The following GALNT3 variants were observed in gnomAD, a reference collection of about 807,000 sequenced individuals.
GALNT3 encodes the protein polypeptide N-acetylgalactosaminyltransferase 3.
GALNT3 carries 51 observed loss-of-function variants against 69.8 expected under a neutral mutation model. The observed-to-expected ratio is 0.73, with a 90% CI of 0.58 to 0.92. The LOEUF (loss-of-function observed/expected upper bound fraction) is 0.92. Ranked by LOEUF, GALNT3 falls within the 40% of genes least tolerant of loss-of-function variation. GALNT3 has a pLI of 0.00. For missense variants in GALNT3, 711 were observed against 760.0 expected (o/e 0.94, Z 0.76); for synonymous variants, 265 against 248.5 (o/e 1.07, Z -0.63).
At chr2:165,789,046 T>G (rs1260901860) in intron 1 of GALNT3, among the ~76,000 whole-genome samples, 2 of 152,156 alleles carry the variant, frequency 1.3e-5, no homozygotes, top group African/African-American at 4.8e-5. Flanking sequence ...ACTAGATCAG[T>G]AGAAGTGAAA....
At chr2:165,772,584 C>CAAA (rs375725339) in intron 1 of GALNT3, among the ~76,000 whole-genome samples, 7,654 of 65,916 alleles carry the variant, frequency 0.12, 930 homozygotes, top group East Asian at 0.29. Context: ...GACTCTGTCT[C>CAAA]AAAAAAAAAA....
intron 1 of GALNT3, among the ~76,000 whole-genome samples, chr2:165,793,463 C>A (rs1683394906): frequency 1.3e-5 from 2 of 152,226 alleles, no homozygotes; most frequent in Admixed American, 1.3e-4. Flanking sequence ...GGCCACAGAG[C>A]CCTTTCCAAA....
chr2:165,782,945 T>C (rs1683143405), intron 1 of GALNT3, among the ~76,000 whole-genome samples: 1 of 152,196 alleles, frequency 6.6e-6, no homozygotes, highest in Non-Finnish European at 1.5e-5. Flanking sequence ...ACTGCTTACG[T>C]ATTTCATTCA....
At chr2:165,768,303 A>G (rs1688683917) in intron 2 of GALNT3, among the ~76,000 whole-genome samples, 2 of 152,170 alleles carry the variant, frequency 1.3e-5, no homozygotes, top group Admixed American at 1.3e-4. Context: ...CAGCTTCTTA[A>G]TGCTATATTG....
chr2:165,762,872 C>T (rs1268860771), intron 3 of GALNT3, among the ~76,000 whole-genome samples: 1 of 152,126 alleles, frequency 6.6e-6, no homozygotes, highest in Non-Finnish European at 1.5e-5. Flanking sequence ...TCACTGCAAC[C>T]TCCGCCTCTG....
chr2:165,777,314 C>T (rs921582479), intron 1 of GALNT3, among the ~76,000 whole-genome samples: 31 of 152,238 alleles, frequency 2.0e-4, no homozygotes, highest in East Asian at 1.5e-3. Flanking sequence ...TCCCAATATC[C>T]TAATATAGAT....
At chr2:165,772,733 G>A (rs1379756344) in intron 1 of GALNT3, among the ~76,000 whole-genome samples, 1 of 151,978 alleles carries the variant, frequency 6.6e-6, no homozygotes, top group Non-Finnish European at 1.5e-5. Context: ...AATAGGGAAT[G>A]TCAGATGCAA....
At chr2:165,776,907 T>A (rs1682965829) in intron 1 of GALNT3, among the ~76,000 whole-genome samples, 1 of 152,182 alleles carries the variant, frequency 6.6e-6, no homozygotes, top group East Asian at 1.9e-4. Flanking sequence ...CACCTGGGGA[T>A]CTTGTTTAAA....
chr2:165,756,958 A>G (rs1408863940), intron 7 of GALNT3, 89 bp downstream of exon 7: 2 of 989,556 alleles, frequency 2.0e-6, no homozygotes, highest in African/African-American at 3.2e-5. Flanking sequence ...AAATTTTTTG[A>G]TGTTTTGTAC....
intron 7 of GALNT3, among the ~76,000 whole-genome samples, chr2:165,756,331 T>C (rs1000538859): frequency 6.6e-6 from 1 of 152,226 alleles, no homozygotes; most frequent in Admixed American, 6.5e-5. Flanking sequence ...ATTAAGACTA[T>C]TGGAACTCAC....
intron 9 of GALNT3, among the ~76,000 whole-genome samples, chr2:165,751,748 T>C (rs976766563): frequency 3.3e-5 from 5 of 152,066 alleles, no homozygotes; most frequent in African/African-American, 1.2e-4. Flanking sequence ...ATAACCAAAA[T>C]ATTTATTTTT....
intron 2 of GALNT3, among the ~76,000 whole-genome samples, chr2:165,769,437 TAATA>T (rs1553493957): frequency 0.012 from 1,357 of 117,902 alleles, 30 homozygotes; most frequent in African/African-American, 0.038. Context: ...ATAATAATAA[TAATA>T]AATAAATAAA....
At position 165,778,173 on chromosome 2, in the gene GALNT3, C is replaced by T. The variant is rs150377133; in HGVS notation, c.-108-7365G>A. 7.8e-3 allele frequency among the ~76,000 whole-genome samples: 1,178 copies of T among 151,608 alleles called. 37 individuals are homozygous for T. Among genetic ancestry groups the T allele is most frequent in the Admixed American group, 0.061 (930 of 15,226 alleles). On this transcript the variant is annotated intron_variant, in intron 1 of 10. Transcript: ENST00000392701. ...TCACAAACTCAGGGGCTCACATGCT[C>T]TTTCCTGCCACATCTACACCTGTGA...
At chr2:165,773,349 T>C (rs1361431132) in intron 1 of GALNT3, among the ~76,000 whole-genome samples, 1 of 152,214 alleles carries the variant, frequency 6.6e-6, no homozygotes, top group African/African-American at 2.4e-5. Context: ...TTGCTCTTCT[T>C]TCACCTTCTG....
At chr2:165,781,100 A>G (rs1164279356) in intron 1 of GALNT3, among the ~76,000 whole-genome samples, 2 of 152,132 alleles carry the variant, frequency 1.3e-5, no homozygotes, top group African/African-American at 2.4e-5. Context: ...GGCTCCATAG[A>G]GCATTCCTCT....
chr2:165,759,900 A>G (rs1340125514), intron 4 of GALNT3, among the ~76,000 whole-genome samples: 1 of 152,168 alleles, frequency 6.6e-6, no homozygotes, highest in Non-Finnish European at 1.5e-5. Flanking sequence ...TTTTGAGTAG[A>G]CAATATATTA....
At chr2:165,785,289 T>G (rs1198388280) in intron 1 of GALNT3, among the ~76,000 whole-genome samples, 1 of 152,086 alleles carries the variant, frequency 6.6e-6, no homozygotes, top group Non-Finnish European at 1.5e-5. Flanking sequence ...TATGCTGATA[T>G]GAAATGATCC....
chr2:165,770,134 C>T (rs770325779), intron 2 of GALNT3, 52 bp downstream of exon 2: 40 of 1,607,622 alleles, frequency 2.5e-5, no homozygotes, highest in Non-Finnish European at 3.1e-5. Flanking sequence ...ACCCCTCTCT[C>T]CCCTGCAAAG....
At chr2:165,780,646 T>TTTG (rs534952025) in intron 1 of GALNT3, among the ~76,000 whole-genome samples, 4,178 of 101,702 alleles carry the variant, frequency 0.041, 159 homozygotes, top group African/African-American at 0.12. Flanking sequence ...GAGGGGTTTT[T>TTTG]TTGTTGTTGT....
Sources: allele counts gnomAD v4.1 joint callset (sites outside exome capture counted in the v4.1 genomes callset), GRCh38; gene constraint gnomAD v4.1.1; transcripts MANE v1.5; gene names NCBI Gene and HGNC (gene_info 2026-07-23, HGNC 2026-07-21).